The following USP34 variants were observed in gnomAD, a reference collection of about 807,000 sequenced individuals.
The protein encoded by USP34 is ubiquitin specific peptidase 34.
Under a neutral mutation model 460.3 loss-of-function variants are expected in USP34, and 70 were observed. The ratio of observed to expected loss-of-function variants is 0.15; its 90% CI spans 0.13 to 0.19. The LOEUF (loss-of-function observed/expected upper bound fraction) is 0.19. Among genes scored for constraint, USP34 ranks in the 10% least tolerant of loss-of-function variants. The probability of loss-of-function intolerance (pLI) is 1.00; values close to 1 mark genes in which losing one functional copy is unlikely to be tolerated. For missense variants in USP34, 3,985 were observed against 4,236.2 expected, an observed-to-expected ratio of 0.94 and a Z score of 1.65; for synonymous variants, 1,647 against 1,405.3, an observed-to-expected ratio of 1.17 and a Z score of -3.85.
chr2:61,213,416 G>A (rs1053197719), intron 68 of USP34, among the ~76,000 whole-genome samples: 2 of 152,082 alleles, frequency 1.3e-5, no homozygotes, highest in Non-Finnish European at 2.9e-5. Context: ...TATAAAGGAC[G>A]GTCTGTCTTT....
At chr2:61,315,034 G>C in intron 23 of USP34, 60 bp from the exon 24 acceptor site, 9 of 1,275,810 alleles carry the variant, frequency 7.1e-6, no homozygotes, top group Non-Finnish European at 8.8e-6. Flanking sequence ...AACTCATTAA[G>C]ACTGAAGTAT....
chr2:61,351,198 A>T (rs191063100), intron 10 of USP34, among the ~76,000 whole-genome samples: 250 of 152,378 alleles, frequency 1.6e-3, no homozygotes, highest in African/African-American at 5.8e-3. Flanking sequence ...GTTAAATAGT[A>T]AATTAAAATA....
chr2:61,294,869 G>A (rs1689977727), intron 32 of USP34, 80 bp downstream of exon 32: 1 of 1,133,960 alleles, frequency 8.8e-7, no homozygotes, highest in African/African-American at 1.6e-5. Context: ...TAAAATCAAT[G>A]AAGAATTATG....
chr2:61,404,956 G>C (rs961497939), intron 3 of USP34, among the ~76,000 whole-genome samples: 1 of 152,030 alleles, frequency 6.6e-6, no homozygotes, highest in Non-Finnish European at 1.5e-5. Context: ...AGCCAGGGGT[G>C]GTGGCTCACG....
chr2:61,380,467 C>G, intron 6 of USP34, 106 bp from the exon 7 acceptor site: 1 of 1,156,276 alleles, frequency 8.6e-7, no homozygotes, highest in Non-Finnish European at 1.2e-6. Context: ...TTTTTGTGTC[C>G]AAAACCCACA....
chr2:61,370,655 G>A, intron 8 of USP34, 76 bp from the exon 9 acceptor site: 3 of 1,348,296 alleles, frequency 2.2e-6, no homozygotes, highest in Non-Finnish European at 3.1e-6. Context: ...AGAGTCAATT[G>A]AAAACCTAAA....
At position 61,232,471 on chromosome 2, in the gene USP34, G is replaced by C. The variant is rs1281787475; in HGVS notation, c.7094C>G (p.Pro2365Arg). 1.9e-6 allele frequency: 3 copies of C among 1,607,740 alleles called. No individual in the cohort carries two copies. The highest frequency in any genetic ancestry group is 2.5e-6 in the Non-Finnish European group (3 of 1,178,218). ...CCTTACCTGTCTCACAATTTGATTA[G>C]GGCACTTAATTAGTATCTGCATTGG... is the stretch of plus-strand genomic sequence containing the variant. ...WWPMQILIKCPNQIVRQMFQR... is the reference protein window; with the variant it reads ...WWPMQILIKCRNQIVRQMFQR... Residue 2365 changes from proline to arginine, a missense_variant, in exon 58 of 80, where the codon CCT becomes CGT. Pro to Arg is a moderately radical substitution (Grantham distance 103). Coordinates refer to ENST00000398571, the MANE Select transcript of USP34 (RefSeq NM_014709.4).
chr2:61,248,973 A>C (rs769275114), intron 48 of USP34, among the ~76,000 whole-genome samples: 7 of 152,234 alleles, frequency 4.6e-5, no homozygotes, highest in Non-Finnish European at 1.0e-4. Context: ...AAATACAACA[A>C]TTATAACAAT....
chr2:61,195,075 C>G (rs1049914665), intron 75 of USP34, among the ~76,000 whole-genome samples: 5 of 151,678 alleles, frequency 3.3e-5, no homozygotes, highest in African/African-American at 1.2e-4. Context: ...CAAAAATTGG[C>G]TGGGTGTGGT....
intron 41 of USP34, among the ~76,000 whole-genome samples, chr2:61,272,490 C>A (rs910649666): frequency 2.6e-5 from 4 of 151,968 alleles, no homozygotes; most frequent in Admixed American, 6.6e-5. Context: ...AAATCTGAGA[C>A]CTGTGAGCTC....
chr2:61,309,888 T>C (rs370480535), intron 27 of USP34, among the ~76,000 whole-genome samples: 2 of 152,200 alleles, frequency 1.3e-5, no homozygotes, highest in Non-Finnish European at 2.9e-5. Context: ...TATACATCTG[T>C]AGGGAAGGTT....
Position 61,223,111 on chromosome 2 carries a change from A to G in USP34, c.7698T>C (p.Thr2566=). 6.2e-7 allele frequency: 1 copy of G among 1,614,058 alleles called. No homozygotes were observed. Among genetic ancestry groups the G allele is most frequent in the Non-Finnish European group, 8.5e-7 (1 of 1,179,934 alleles). The change falls in exon 64 of 80, where the codon ACT becomes ACC. Residue 2566 remains threonine (T), a synonymous_variant. Transcript: ENST00000398571. ...HIRDGINIRQ[T]CNLIFSLCRY... is the part of the protein sequence containing the mutation. The stretch of plus-strand genomic sequence containing the variant: ...GACACAGGCTGAAAATCAGATTACA[A>G]GTTTGTCTTATATTGATGCCATCAC...
At position 61,406,089 on chromosome 2, in the gene USP34, C is replaced by A; in HGVS notation, c.171G>T (p.Glu57Asp). The A allele has an allele frequency of 6.2e-7, 1 of 1,612,420 alleles. No individual in the cohort carries two copies. Among genetic ancestry groups the A allele is most frequent in the Non-Finnish European group, 8.5e-7 (1 of 1,179,600 alleles). The change falls in exon 3 of 80, where the codon GAG (glutamate) becomes GAT (aspartate). Residue 57 changes from glutamate (E) to aspartate (D), a missense_variant. Glu to Asp is a conservative substitution (Grantham distance 45). This residue lies in a region of USP34 where 331 missense variants were observed against 293.7 expected (regional missense o/e 1.13). Coordinates refer to ENST00000398571, the MANE Select transcript of USP34 (RefSeq NM_014709.4). ...GTGCACACACTACTTGATTAAAAAT[C>A]TCCAAATGCTTATATTCCTTGAAGC... ...LCCFKEYKHL[E>D]IFNQVVCALI...
intron 16 of USP34, among the ~76,000 whole-genome samples, chr2:61,342,218 T>C (rs1056807704): frequency 4.6e-5 from 7 of 151,984 alleles, no homozygotes; most frequent in African/African-American, 1.4e-4. Context: ...AATAGGTATG[T>C]AGTAGTGCCT....
chr2:61,404,051 G>A (rs891042493), intron 3 of USP34, among the ~76,000 whole-genome samples: 2 of 111,668 alleles, frequency 1.8e-5, no homozygotes, highest in Non-Finnish European at 3.8e-5. Flanking sequence ...AGGACAGAAA[G>A]TACAACTTGG....
chr2:61,222,679 G>C lies in USP34; in HGVS notation c.7750-16C>G, dbSNP rs768679425. On this transcript the variant is annotated splice_polypyrimidine_tract_variant and intron_variant, in intron 64 of 79. Transcript: ENST00000398571. ...TAGATACAATCTAAAACAGAAAGAGGAGGATTTCAGGATATTCTTGTTTTG... is the reference window on the plus strand; with the variant it reads ...TAGATACAATCTAAAACAGAAAGAGCAGGATTTCAGGATATTCTTGTTTTG... 2.2e-5 allele frequency: 36 copies of C among 1,608,796 alleles called. No homozygotes were observed. Among genetic ancestry groups the C allele is most frequent in the Non-Finnish European group, 1.9e-5 (22 of 1,177,340 alleles).
chr2:61,343,682 C>A, intron 16 of USP34, 133 bp downstream of exon 16: 5 of 852,726 alleles, frequency 5.9e-6, no homozygotes, highest in Admixed American at 3.0e-5. Context: ...AAAAAAAAAA[C>A]TACCATATGT....
intron 20 of USP34, among the ~76,000 whole-genome samples, chr2:61,326,933 G>A (rs185831228): frequency 2.6e-4 from 40 of 151,970 alleles, no homozygotes; most frequent in Admixed American, 9.2e-4. Flanking sequence ...ACAGGTGCAT[G>A]CCTCCACACC....
At chr2:61,297,467 T>C (rs1406101765) in intron 29 of USP34, among the ~76,000 whole-genome samples, 2 of 152,232 alleles carry the variant, frequency 1.3e-5, no homozygotes, top group Non-Finnish European at 2.9e-5. Context: ...GTTCCAAAAC[T>C]TGCTAAGGCA....
Sources: allele counts gnomAD v4.1 joint callset (sites outside exome capture counted in the v4.1 genomes callset), GRCh38; gene constraint gnomAD v4.1.1; regional missense constraint gnomAD v4.1.1; transcripts MANE v1.5; gene names NCBI Gene and HGNC (gene_info 2026-07-23, HGNC 2026-07-21).